The following TTC7B variants were observed in gnomAD, a reference collection of about 807,000 sequenced individuals.
TTC7B encodes the protein tetratricopeptide repeat domain 7B, also known as tetratricopeptide repeat protein 7B.
TTC7B carries 28 observed loss-of-function variants against 106.8 expected under a neutral mutation model. The ratio of observed to expected loss-of-function variants is 0.26; its 90% CI spans 0.19 to 0.36. The LOEUF is 0.36. Among genes scored for constraint, TTC7B ranks in the 10% least tolerant of loss-of-function variants. The pLI, the probability that TTC7B is intolerant of heterozygous loss-of-function variation, is 1.00. For missense variants in TTC7B, 862 were observed against 1,076.4 expected (o/e 0.80, Z 2.79); for synonymous variants, 405 against 430.6 (o/e 0.94, Z 0.74).
intron 9 of TTC7B, among the ~76,000 whole-genome samples, chr14:90,662,055 G>C (rs142144113): frequency 4.1e-4 from 63 of 152,332 alleles, no homozygotes; most frequent in Middle Eastern, 6.8e-3. Context: ...ATCACTTGGG[G>C]AGCATCTAGT....
intron 18 of TTC7B, 88 bp downstream of exon 18, chr14:90,593,398 G>A (rs118061128): frequency 0.047 from 69,263 of 1,463,496 alleles, 1,873 homozygotes; most frequent in Middle Eastern, 0.09. Context: ...ACAGACAAGC[G>A]CCCAGGCTCT....
At chr14:90,773,654 G>C (rs1890934809) in intron 3 of TTC7B, among the ~76,000 whole-genome samples, 1 of 152,206 alleles carries the variant, frequency 6.6e-6, no homozygotes, top group Non-Finnish European at 1.5e-5. Flanking sequence ...TCTGGCAGCT[G>C]TGAGGTTAGA....
At chr14:90,623,356 G>A (rs1221080346) in intron 15 of TTC7B, among the ~76,000 whole-genome samples, 4 of 152,154 alleles carry the variant, frequency 2.6e-5, no homozygotes, top group Non-Finnish European at 5.9e-5. Context: ...CTAGTTATTG[G>A]TAGAATGGAA....
At chr14:90,717,662 T>C (rs1051063938) in intron 5 of TTC7B, among the ~76,000 whole-genome samples, 1 of 152,080 alleles carries the variant, frequency 6.6e-6, no homozygotes, top group Admixed American at 6.5e-5. Context: ...AAAAAAAGAA[T>C]AGAGAGGAAA....
rs1400960080 is a variant in TTC7B at position 90,816,257 on chromosome 14, C to T, written c.39G>A (p.Glu13=). The T allele has an allele frequency of 8.0e-7, 1 of 1,250,700 alleles. No homozygotes were observed. 77.5% of individuals were successfully genotyped at this position (1,250,700 alleles called of 1,614,324 possible). A position where few individuals can be genotyped will look rare whatever the true frequency, so the allele number is the denominator to read the frequency against. ...TKKAGSRLET[E]IERCRSECQW... is the part of the protein sequence containing the mutation. ...GGCACTCGGAGCGGCAGCGCTCGAT[C>T]TCCGTCTCCAGCCGCGAGCCTGCCT... Residue 13 remains glutamate, a synonymous_variant, in exon 1 of 20, where the codon GAG becomes GAA. Transcript: ENST00000328459.
At chr14:90,697,162 T>C (rs757887889) in intron 5 of TTC7B, among the ~76,000 whole-genome samples, 4 of 152,140 alleles carry the variant, frequency 2.6e-5, no homozygotes, top group Non-Finnish European at 5.9e-5. Context: ...AGGGGCTGAT[T>C]TACCAGGTAG....
intron 3 of TTC7B, among the ~76,000 whole-genome samples, chr14:90,765,529 G>A (rs1009959636): frequency 6.6e-6 from 1 of 152,084 alleles, no homozygotes; most frequent in Non-Finnish European, 1.5e-5. Context: ...GGAAGATGGT[G>A]GACTATGAAG....
At chr14:90,791,011 G>A (rs1443054780) in intron 1 of TTC7B, among the ~76,000 whole-genome samples, 1 of 152,032 alleles carries the variant, frequency 6.6e-6, no homozygotes, top group Non-Finnish European at 1.5e-5. Flanking sequence ...GGATCAGAAT[G>A]CCCAGATGTC....
Position 90,618,009 on chromosome 14 carries a change from G to A in TTC7B, c.1788C>T (p.Cys596=). 2 of 1,613,836 alleles carry A rather than the reference G, an allele frequency of 1.2e-6. No homozygotes were observed. Among genetic ancestry groups the A allele is most frequent in the East Asian group, 2.2e-5 (1 of 44,882 alleles). ...LFSKVKLQSL[C]RGPDEALLTC... is the part of the protein sequence containing the mutation. ...TCAGCAGTGCCTCGTCCGGGCCTCGGCAGAGTGACTGCAACTTCACTTTGG... is the reference window on the plus strand; with the variant it reads ...TCAGCAGTGCCTCGTCCGGGCCTCGACAGAGTGACTGCAACTTCACTTTGG... Residue 596 remains cysteine, a synonymous_variant, in exon 16 of 20, where the codon TGC becomes TGT. Transcript: ENST00000328459.
chr14:90,617,406 T>C (rs1229465680), intron 16 of TTC7B, among the ~76,000 whole-genome samples: 1 of 152,252 alleles, frequency 6.6e-6, no homozygotes, highest in East Asian at 1.9e-4. Context: ...CCTGCATTAG[T>C]TAATAAGGTA....
At position 90,808,839 on chromosome 14, in the gene TTC7B, C is replaced by A. The variant is rs2030743226; in HGVS notation, c.121+7336G>T. Among the ~76,000 whole-genome samples the A allele has an allele frequency of 6.6e-6, 1 of 152,222 alleles. No individual in the cohort carries two copies. The highest frequency in any genetic ancestry group is 6.5e-5 in the Admixed American group (1 of 15,278). On this transcript the variant is annotated intron_variant, in intron 1 of 19. Coordinates refer to ENST00000328459, the MANE Select transcript of TTC7B (RefSeq NM_001010854.2). The surrounding 1 kb of genome is among the most constrained non-coding windows in gnomAD (Gnocchi z 4.2). ...GGGGCAGGAATCCACCCACGTGTGG[C>A]CAACGTGAATAAGAACCAAAGGCCA...
intron 5 of TTC7B, among the ~76,000 whole-genome samples, chr14:90,705,580 C>T (rs200506844): frequency 1.3e-5 from 2 of 152,076 alleles, no homozygotes; most frequent in Non-Finnish European, 2.9e-5. Context: ...AATATAGATA[C>T]CGAAAGCCAT....
intron 13 of TTC7B, chr14:90,648,700 A>G (rs954190284): frequency 6.6e-6 from 1 of 152,194 alleles, no homozygotes; most frequent in African/African-American, 2.4e-5. Context: ...CAGCTTTTAT[A>G]ATTTTACAAA....
intron 13 of TTC7B, among the ~76,000 whole-genome samples, chr14:90,652,093 T>G (rs1167853513): frequency 1.3e-5 from 2 of 152,024 alleles, no homozygotes; most frequent in South Asian, 2.1e-4. Flanking sequence ...GGCAGTGTAG[T>G]ATGGTGGGGC....
rs61989911 is a variant in TTC7B at position 90,802,474 on chromosome 14, G to A, written c.121+13701C>T. ...AGGGCTCCAAGCAGTGACAGAGGGC[G>A]CCAGCAGTGACAGAGGGGAAAGCTG... is the stretch of plus-strand genomic sequence containing the variant. On this transcript the variant is annotated intron_variant, in intron 1 of 19. Transcript: ENST00000328459. The surrounding 1 kb of genome is among the most constrained non-coding windows in gnomAD (Gnocchi z 4.7). Among the ~76,000 whole-genome samples the A allele has an allele frequency of 9.1e-3, 164 of 18,114 alleles. 1 individual carries two copies. The highest frequency in any genetic ancestry group is 0.017 in the African/African-American group (148 of 8,726). The allele number at this position is 18,114 out of a possible 152,430, so 11.9% of individuals were successfully genotyped here. A position where few individuals can be genotyped will look rare whatever the true frequency, so the allele number is the denominator to read the frequency against.
At chr14:90,561,053 G>A (rs558492777) in intron 19 of TTC7B, among the ~76,000 whole-genome samples, 2 of 152,316 alleles carry the variant, frequency 1.3e-5, no homozygotes, top group South Asian at 2.1e-4. Flanking sequence ...GGAGATCCCC[G>A]CAGGGATCGC....
chr14:90,647,301 G>T, intron 13 of TTC7B: 1 of 379,920 alleles, frequency 2.6e-6, no homozygotes, highest in Non-Finnish European at 5.0e-6. Flanking sequence ...AGGGCCTCGA[G>T]GTGAAGAATC....
At chr14:90,782,423 ACC>A (rs956132223) in intron 2 of TTC7B, among the ~76,000 whole-genome samples, 8 of 152,170 alleles carry the variant, frequency 5.3e-5, no homozygotes, top group African/African-American at 1.9e-4. Context: ...ACATGGTGAA[ACC>A]CCATCTCTAC....
intron 4 of TTC7B, among the ~76,000 whole-genome samples, chr14:90,739,290 T>A (rs1052312703): frequency 1.3e-5 from 2 of 152,210 alleles, no homozygotes; most frequent in Non-Finnish European, 2.9e-5. Context: ...AAGGTAGGCC[T>A]GAAACGGGAA....
Sources: gnomAD v4.1 joint callset for allele counts (sites outside exome capture counted in the v4.1 genomes callset) on GRCh38, gnomAD v4.1.1 for gene constraint, Gnocchi (gnomAD v3.1) non-coding constraint, MANE v1.5 for transcripts, NCBI Gene and HGNC (gene_info 2026-07-23, HGNC 2026-07-21) for gene names.